The following MPZL1 variants were observed in gnomAD, a reference collection of about 807,000 sequenced individuals.
MPZL1 encodes the protein myelin protein zero-like protein 1.
Under a neutral mutation model 29.3 loss-of-function variants are expected in MPZL1, and 16 were observed. The ratio of observed to expected loss-of-function variants is 0.55; its 90% CI spans 0.37 to 0.83. The LOEUF is 0.83. Among genes scored for constraint, MPZL1 ranks in the 40% least tolerant of loss-of-function variants. The pLI is 0.00. For synonymous variants in MPZL1, 143 were observed against 132.0 expected (o/e 1.08, Z -0.57); for missense variants, 279 against 332.9 (o/e 0.84, Z 1.26).
chr1:167,744,926 C>T (rs1029169214), intron 1 of MPZL1, among the ~76,000 whole-genome samples: 1 of 152,126 alleles, frequency 6.6e-6, no homozygotes, highest in Non-Finnish European at 1.5e-5. Flanking sequence ...CACTACTTCT[C>T]CCCCCACTGC....
At chr1:167,741,675 C>G (rs1057392878) in intron 1 of MPZL1, among the ~76,000 whole-genome samples, 2 of 152,080 alleles carry the variant, frequency 1.3e-5, no homozygotes, top group Non-Finnish European at 2.9e-5. Context: ...TTCCCCTCCA[C>G]TCCATTTTCT....
intron 5 of MPZL1, among the ~76,000 whole-genome samples, chr1:167,776,448 G>A (rs1175563365): frequency 6.6e-6 from 1 of 152,172 alleles, no homozygotes; most frequent in African/African-American, 2.4e-5. Context: ...GCAGAATTAG[G>A]AAATGGCTTT....
In MPZL1 at chr1:167,789,716, G is replaced by A. The variant is rs927215515; in HGVS notation, c.*1795G>A. On this transcript the variant is annotated 3_prime_UTR_variant, in exon 6 of 6. Transcript: ENST00000359523. ...TTGGTCACCACACATGTCTGAAGCT[G>A]GGCAGCGTCTGCTCTGTGTTCTGTG... is the stretch of plus-strand genomic sequence containing the variant. 2 of 152,286 alleles carry A rather than the reference G, an allele frequency of 1.3e-5. No homozygotes were observed. The highest frequency in any genetic ancestry group is 3.9e-4 in the East Asian group (2 of 5,192). The allele number at this position is 152,286 out of a possible 1,614,324, so 9.4% of individuals were successfully genotyped here. A position where few individuals can be genotyped will look rare whatever the true frequency, so the allele number is the denominator to read the frequency against.
chr1:167,729,425 A>G (rs753795650), intron 1 of MPZL1, among the ~76,000 whole-genome samples: 1 of 152,236 alleles, frequency 6.6e-6, no homozygotes, highest in Non-Finnish European at 1.5e-5. Context: ...ATGAAAAGTT[A>G]TAAGGTGTTA....
chr1:167,766,544 G>T (rs1342101169), intron 2 of MPZL1, among the ~76,000 whole-genome samples: 1 of 152,210 alleles, frequency 6.6e-6, no homozygotes, highest in Non-Finnish European at 1.5e-5. Flanking sequence ...CATGTGGAAT[G>T]CCCTTCATAT....
At chr1:167,768,242 C>T (rs550235824) in intron 2 of MPZL1, among the ~76,000 whole-genome samples, 4 of 152,300 alleles carry the variant, frequency 2.6e-5, no homozygotes, top group African/African-American at 9.6e-5. Flanking sequence ...CAATTTGGCC[C>T]AGCCTACCAC....
At chr1:167,732,257 A>G (rs1660286786) in intron 1 of MPZL1, among the ~76,000 whole-genome samples, 1 of 152,186 alleles carries the variant, frequency 6.6e-6, no homozygotes. Flanking sequence ...TCTTGTAAGT[A>G]CTAAGAACTA....
intron 1 of MPZL1, among the ~76,000 whole-genome samples, chr1:167,727,923 C>T: frequency 8.7e-6 from 1 of 115,474 alleles, no homozygotes; most frequent in African/African-American, 3.4e-5. Context: ...GGCTGGAATG[C>T]AGTGGTGCAA....
intron 3 of MPZL1, 149 bp from the exon 4 acceptor site, chr1:167,773,087 A>G (rs1661285772): frequency 1.3e-6 from 1 of 745,576 alleles, no homozygotes; most frequent in African/African-American, 1.8e-5. Flanking sequence ...TTACATAGTA[A>G]TAGGATAGAT....
chr1:167,779,182 T>C (rs1661437778), intron 5 of MPZL1, among the ~76,000 whole-genome samples: 1 of 150,888 alleles, frequency 6.6e-6, no homozygotes. Flanking sequence ...CCGGACAATA[T>C]CAAGCAATCT....
At chr1:167,747,362 C>T (rs1224195470) in intron 1 of MPZL1, among the ~76,000 whole-genome samples, 3 of 152,060 alleles carry the variant, frequency 2.0e-5, no homozygotes, top group Non-Finnish European at 4.4e-5. Flanking sequence ...CTGGGATTTA[C>T]AGCATGAGCC....
chr1:167,776,070 T>A lies in MPZL1; in HGVS notation c.612T>A (p.Ser204Arg). 1 of 1,603,196 alleles carries A rather than the reference T, an allele frequency of 6.2e-7. No individual in the cohort carries two copies. The highest frequency in any genetic ancestry group is 8.5e-7 in the Non-Finnish European group (1 of 1,173,312). Residue 204 changes from serine (S) to arginine (R), a missense_variant, in exon 5 of 6, where the codon AGT (serine) becomes AGA (arginine). Physicochemically the swap from Ser to Arg is moderately radical, Grantham distance 110. Coordinates refer to ENST00000359523, the MANE Select transcript of MPZL1 (RefSeq NM_003953.6). ...CAAATTGCCAATTCATCAGCTGCAG[T>A]ACATCAGAGAGTTTGTCACCAGTTA... Reference protein sequence around the residue: ...KNSKRDYTGCSTSESLSPVKQ... With the variant: ...KNSKRDYTGCRTSESLSPVKQ...
rs746853360 is a variant in MPZL1, at chr1:167,722,116, CGCGGCGGCG to C, written c.-26_-18del. ...CTCAGCGGGGACCCGGGCTCAGGGA[CGCGGCGGCG>C]GCGGCGGCGACTGCAGTGGCTGGAC... On this transcript the variant is annotated 5_prime_UTR_variant, in exon 1 of 6. Coordinates refer to ENST00000359523, the MANE Select transcript of MPZL1 (RefSeq NM_003953.6). 1.6e-6 allele frequency: 2 copies of C among 1,233,264 alleles called. No homozygotes were observed. The highest frequency in any genetic ancestry group is 1.6e-5 in the African/African-American group (1 of 64,318). The allele number at this position is 1,233,264 out of a possible 1,614,324, so 76.4% of individuals were successfully genotyped here.
intron 1 of MPZL1, among the ~76,000 whole-genome samples, chr1:167,733,064 C>T (rs1264428153): frequency 6.6e-6 from 1 of 152,188 alleles, no homozygotes; most frequent in Non-Finnish European, 1.5e-5. Flanking sequence ...TTTTATGATT[C>T]ACATTAGACT....
chr1:167,737,372 C>G (rs1660397630), intron 1 of MPZL1, among the ~76,000 whole-genome samples: 1 of 152,140 alleles, frequency 6.6e-6, no homozygotes, highest in South Asian at 2.1e-4. Context: ...ACTGTAGACA[C>G]TGGATTTGAT....
intron 2 of MPZL1, among the ~76,000 whole-genome samples, chr1:167,766,954 A>G (rs986686698): frequency 6.6e-6 from 1 of 151,914 alleles, no homozygotes; most frequent in Non-Finnish European, 1.5e-5. Context: ...ATTTATTTTT[A>G]AAAGGAGCCT....
intron 1 of MPZL1, among the ~76,000 whole-genome samples, chr1:167,740,076 C>A (rs180962116): frequency 1.3e-5 from 2 of 152,294 alleles, no homozygotes; most frequent in South Asian, 4.1e-4. Context: ...ATTGCACTTA[C>A]CTGGCAATCC....
intron 1 of MPZL1, among the ~76,000 whole-genome samples, chr1:167,754,591 G>A (rs1273254814): frequency 6.6e-6 from 1 of 152,212 alleles, no homozygotes. Context: ...TCAGGTTCAT[G>A]CATGTGCACT....
chr1:167,764,141 A>G (rs1165860958), intron 1 of MPZL1, among the ~76,000 whole-genome samples: 1 of 152,230 alleles, frequency 6.6e-6, no homozygotes, highest in Non-Finnish European at 1.5e-5. Flanking sequence ...TTTAAAAAAT[A>G]TGGAAGATGG....
Sources: allele counts gnomAD v4.1 joint callset (sites outside exome capture counted in the v4.1 genomes callset), GRCh38; gene constraint gnomAD v4.1.1; transcripts MANE v1.5; gene names NCBI Gene and HGNC (gene_info 2026-07-23, HGNC 2026-07-21).